Variants in MFHAS1 observed in about 807,000 individuals in gnomAD.
MFHAS1 encodes multifunctional ROCO family signaling regulator 1, also known as malignant fibrous histiocytoma-amplified sequence 1.
MFHAS1 carries 50 observed loss-of-function variants against 70.4 expected under a neutral mutation model. That is an observed-to-expected ratio of 0.71 (90% CI 0.57 to 0.90). MFHAS1 has a LOEUF of 0.90. MFHAS1 is among the 40% of genes least tolerant of loss of function. MFHAS1 has a pLI of 0.00. For synonymous variants in MFHAS1, 952 were observed against 620.0 expected, an observed-to-expected ratio of 1.54 and a Z score of -7.96; for missense variants, 1,795 against 1,347.6, an observed-to-expected ratio of 1.33 and a Z score of -5.20.
chr8:8,817,273 A>C (rs1806782314), intron 1 of MFHAS1, among the ~76,000 whole-genome samples: 1 of 152,212 alleles, frequency 6.6e-6, no homozygotes, highest in African/African-American at 2.4e-5. Context: ...AGGAAAAAAA[A>C]AAAGCACTTG....
At chr8:8,827,165 A>G (rs1472032439) in intron 1 of MFHAS1, among the ~76,000 whole-genome samples, 1 of 152,160 alleles carries the variant, frequency 6.6e-6, no homozygotes, top group Non-Finnish European at 1.5e-5. Flanking sequence ...CATTTTTAAC[A>G]CTACACAATA....
At chr8:8,851,303 C>T (rs935033809) in intron 1 of MFHAS1, among the ~76,000 whole-genome samples, 1 of 152,284 alleles carries the variant, frequency 6.6e-6, no homozygotes, top group South Asian at 2.1e-4. Context: ...ATTCCTCCAG[C>T]ACTTAAAATG....
chr8:8,861,303 A>G (rs868626889), intron 1 of MFHAS1, among the ~76,000 whole-genome samples: 1 of 152,234 alleles, frequency 6.6e-6, no homozygotes, highest in Non-Finnish European at 1.5e-5. Flanking sequence ...CAAAATTTCT[A>G]CTATACTTAT....
intron 2 of MFHAS1, among the ~76,000 whole-genome samples, chr8:8,786,893 A>G (rs1805562262): frequency 6.6e-6 from 1 of 152,058 alleles, no homozygotes; most frequent in Non-Finnish European, 1.5e-5. Context: ...GGGCTCATTC[A>G]AGCATGATAA....
chr8:8,807,500 C>T (rs1190866854), intron 1 of MFHAS1, among the ~76,000 whole-genome samples: 1 of 152,180 alleles, frequency 6.6e-6, no homozygotes, highest in East Asian at 1.9e-4. Context: ...CTGTGATTCC[C>T]TTTGAATGTT....
At chr8:8,857,424 T>C (rs1366141715) in intron 1 of MFHAS1, among the ~76,000 whole-genome samples, 1 of 152,150 alleles carries the variant, frequency 6.6e-6, no homozygotes, top group Admixed American at 6.6e-5. Context: ...TCCTTTCTTT[T>C]TTCCTCCATT....
At chr8:8,854,840 T>C (rs1316730553) in intron 1 of MFHAS1, among the ~76,000 whole-genome samples, 1 of 152,228 alleles carries the variant, frequency 6.6e-6, no homozygotes, top group South Asian at 2.1e-4. Context: ...CAACACTTTA[T>C]TGTTTATCTG....
intron 1 of MFHAS1, among the ~76,000 whole-genome samples, chr8:8,879,159 G>T (rs1191402081): frequency 6.6e-6 from 1 of 152,110 alleles, no homozygotes; most frequent in Non-Finnish European, 1.5e-5. Flanking sequence ...GACCAGGCTG[G>T]CCAACACGAT....
At chr8:8,822,210 G>C (rs912320683) in intron 1 of MFHAS1, 1 of 152,580 alleles carries the variant, frequency 6.6e-6, no homozygotes, top group African/African-American at 2.4e-5. Context: ...TTGAAATTGG[G>C]GTGAGAGATA....
At chr8:8,810,058 G>A (rs1166275749) in intron 1 of MFHAS1, among the ~76,000 whole-genome samples, 3 of 152,330 alleles carry the variant, frequency 2.0e-5, no homozygotes, top group South Asian at 4.1e-4. Flanking sequence ...GGAATCATGT[G>A]AAGTCCTTAA....
intron 1 of MFHAS1, among the ~76,000 whole-genome samples, chr8:8,816,815 C>T (rs539889346): frequency 6.6e-6 from 1 of 152,294 alleles, no homozygotes; most frequent in South Asian, 2.1e-4. Flanking sequence ...AACACACCTA[C>T]TGACTGAAGG....
At position 8,866,047 on chromosome 8, in the gene MFHAS1, C is replaced by T. The variant is rs542123730; in HGVS notation, c.2998+24014G>A. 7.2e-5 allele frequency among the ~76,000 whole-genome samples: 11 copies of T among 152,306 alleles called. No homozygotes were observed. The South Asian group carries it at 1.2e-3, about 17-fold the overall frequency. On this transcript the variant is annotated intron_variant, in intron 1 of 2. Transcript: ENST00000276282. ...CAGAGAAGCTGAAATCCTGGTTTCC[C>T]TGGGGATTTGGCTGGCCAATTTTTA...
intron 1 of MFHAS1, among the ~76,000 whole-genome samples, chr8:8,855,605 T>A (rs977571607): frequency 1.3e-5 from 2 of 152,168 alleles, no homozygotes; most frequent in African/African-American, 2.4e-5. Context: ...CCTGTAATCC[T>A]GGCGCTTTGG....
chr8:8,836,930 C>A (rs752377186), intron 1 of MFHAS1, among the ~76,000 whole-genome samples: 5 of 152,090 alleles, frequency 3.3e-5, no homozygotes, highest in Non-Finnish European at 5.9e-5. Flanking sequence ...TAAAATGACC[C>A]TTTAAAGACA....
chr8:8,819,481 T>C (rs1317913766), intron 1 of MFHAS1, among the ~76,000 whole-genome samples: 1 of 151,786 alleles, frequency 6.6e-6, no homozygotes, highest in Non-Finnish European at 1.5e-5. Flanking sequence ...GGCGGGTGCC[T>C]GCAGTCCCAG....
chr8:8,854,348 C>T (rs552797617), intron 1 of MFHAS1, among the ~76,000 whole-genome samples: 3 of 152,202 alleles, frequency 2.0e-5, no homozygotes, highest in East Asian at 1.9e-4. Flanking sequence ...AGTGAAACCC[C>T]GTCTCTACTA....
At chr8:8,833,787 G>A (rs1030647030) in intron 1 of MFHAS1, among the ~76,000 whole-genome samples, 3 of 152,106 alleles carry the variant, frequency 2.0e-5, no homozygotes, top group South Asian at 4.1e-4. Context: ...CCAAAAAAAT[G>A]AGAAGAACCC....
chr8:8,830,563 C>T (rs1298474682), intron 1 of MFHAS1, among the ~76,000 whole-genome samples: 1 of 152,124 alleles, frequency 6.6e-6, no homozygotes, highest in African/African-American at 2.4e-5. Context: ...GAAACATGTA[C>T]CCAAGGTCAC....
intron 2 of MFHAS1, among the ~76,000 whole-genome samples, chr8:8,786,807 G>A (rs569839501): frequency 6.6e-6 from 1 of 151,500 alleles, no homozygotes; most frequent in Non-Finnish European, 1.5e-5. Flanking sequence ...CTCATTAGGA[G>A]AGACGCTGAT....
Sources: allele counts gnomAD v4.1 joint callset (sites outside exome capture counted in the v4.1 genomes callset), GRCh38; gene constraint gnomAD v4.1.1; transcripts MANE v1.5; gene names NCBI Gene and HGNC (gene_info 2026-07-23, HGNC 2026-07-21).